SLC43A3: variants seen among roughly 807,000 people sequenced by gnomAD.
The protein encoded by SLC43A3 is equilibrative nucleobase transporter 1.
Under a neutral mutation model 53.3 loss-of-function variants are expected in SLC43A3, and 33 were observed. The observed-to-expected ratio is 0.62, with a 90% CI of 0.47 to 0.83. The LOEUF is 0.83. SLC43A3 is among the 40% of genes least tolerant of loss of function. The pLI, the probability that SLC43A3 is intolerant of heterozygous loss-of-function variation, is 0.00. For synonymous variants in SLC43A3, 236 were observed against 246.2 expected (o/e 0.96, Z 0.39); for missense variants, 530 against 610.0 (o/e 0.87, Z 1.38).
At position 57,408,104 on chromosome 11, in the gene SLC43A3, G is replaced by A. The variant is rs117359757; in HGVS notation, c.1372-208C>T. On this transcript the variant is annotated intron_variant, in intron 13 of 13. Transcript: ENST00000395124. ...TTCTGCACTATCGGTTGGGGTAGAGGAGGAATATCAAGCCCATTTCACAGA... is the reference window on the plus strand; with the variant it reads ...TTCTGCACTATCGGTTGGGGTAGAGAAGGAATATCAAGCCCATTTCACAGA... 6.1e-3 allele frequency: 3,116 copies of A among 508,680 alleles called. 15 individuals carry two copies. The highest frequency in any genetic ancestry group is 8.7e-3 in the Non-Finnish European group (2,452 of 283,006). The allele number at this position is 508,680 out of a possible 1,614,324, so 31.5% of individuals were successfully genotyped here.
chr11:57,416,433 G>T, intron 9 of SLC43A3, 140 bp downstream of exon 9: 1 of 642,340 alleles, frequency 1.6e-6, no homozygotes, highest in Admixed American at 2.7e-5. Flanking sequence ...TGAGAGGGTT[G>T]GGAAGATGCC....
At chr11:57,418,514 A>C (rs1024642639) in intron 7 of SLC43A3, among the ~76,000 whole-genome samples, 1 of 152,058 alleles carries the variant, frequency 6.6e-6, no homozygotes, top group Non-Finnish European at 1.5e-5. Context: ...GGAAACAGCA[A>C]GACCTCATCT....
At chr11:57,408,301 C>T (rs1398870855) in intron 13 of SLC43A3, 12 of 166,214 alleles carry the variant, frequency 7.2e-5, no homozygotes, top group Non-Finnish European at 1.3e-5. Flanking sequence ...GTGGTTCACG[C>T]CTGTAATCAC....
intron 7 of SLC43A3, among the ~76,000 whole-genome samples, chr11:57,420,321 T>A (rs573899537): frequency 6.6e-6 from 1 of 152,178 alleles, no homozygotes; most frequent in Non-Finnish European, 1.5e-5. Context: ...TCCCTTTATC[T>A]CATTAAAAAG....
In SLC43A3 at chr11:57,410,067, G is replaced by A. The variant is rs1237428074; in HGVS notation, c.1115C>T (p.Thr372Ile). The change falls in exon 12 of 14, where the codon ACA becomes ATA. Residue 372 changes from threonine (T) to isoleucine (I), a missense_variant. By Grantham distance (89) the Thr-to-Ile change is moderately conservative (BLOSUM62 -1). This residue lies in a region of SLC43A3 where 124 missense variants were observed against 166.4 expected (regional missense o/e 0.75). Coordinates refer to ENST00000395124, the MANE Select transcript of SLC43A3 (RefSeq NM_199329.3). ...LCSTVPSLALTSLLCLGFALC... is the reference protein window; with the variant it reads ...LCSTVPSLALISLLCLGFALC... ...GGCGAAGCCCAGGCACAGCAGGGATGTCAGGGCCAGCGAAGGCACCGTCGA... is the reference window on the plus strand; with the variant it reads ...GGCGAAGCCCAGGCACAGCAGGGATATCAGGGCCAGCGAAGGCACCGTCGA... 4 of 1,612,032 alleles carry A rather than the reference G, an allele frequency of 2.5e-6. No homozygotes were observed. In the Admixed American group the frequency reaches 5.0e-5, roughly 20 times the overall value.
chr11:57,421,302 G>T lies in SLC43A3; in HGVS notation c.433C>A (p.Leu145Met). 2.5e-6 allele frequency: 4 copies of T among 1,612,942 alleles called. No homozygotes were observed. Among genetic ancestry groups the T allele is most frequent in the Non-Finnish European group, 3.4e-6 (4 of 1,179,056 alleles). Residue 145 changes from leucine (L) to methionine (M), a missense_variant, in exon 6 of 14, where the codon CTG becomes ATG. Leu to Met is a conservative substitution (Grantham distance 15). Transcript: ENST00000395124. ...IGGILFLITN[L>M]QIGNLFGQHR... is the part of the protein sequence containing the mutation. ...GGATTAGGGAAGGCTCCCACCTGCA[G>T]GTTGGTGATGAGAAACAGGATTCCC... is the stretch of plus-strand genomic sequence containing the variant.
chr11:57,424,995 A>G (rs369656066), intron 4 of SLC43A3, among the ~76,000 whole-genome samples: 24 of 152,062 alleles, frequency 1.6e-4, no homozygotes, highest in African/African-American at 5.8e-4. Flanking sequence ...AAACCCCCCC[A>G]GTCTCCCCTC....
chr11:57,420,584 C>T (rs142833049), intron 7 of SLC43A3, among the ~76,000 whole-genome samples: 1 of 152,232 alleles, frequency 6.6e-6, no homozygotes, highest in Non-Finnish European at 1.5e-5. Flanking sequence ...GCTGTACCCA[C>T]TAGCCACTTG....
At chr11:57,419,353 T>TA (rs1942875965) in intron 7 of SLC43A3, among the ~76,000 whole-genome samples, 1 of 152,178 alleles carries the variant, frequency 6.6e-6, no homozygotes, top group Non-Finnish European at 1.5e-5. Flanking sequence ...ACCACCGACC[T>TA]AGCCCAACCT....
chr11:57,420,922 T>G, intron 7 of SLC43A3, 50 bp downstream of exon 7: 1 of 1,225,306 alleles, frequency 8.2e-7, no homozygotes, highest in South Asian at 1.2e-5. Flanking sequence ...ACAAGACAAG[T>G]GTCTGGCATA....
At chr11:57,413,324 C>G (rs1942568919) in intron 11 of SLC43A3, among the ~76,000 whole-genome samples, 1 of 152,046 alleles carries the variant, frequency 6.6e-6, no homozygotes, top group African/African-American at 2.4e-5. Context: ...TGGAACAAAC[C>G]AACTGTAAAA....
Position 57,407,474 on chromosome 11 carries a change from T to G in SLC43A3, c.*318A>C, listed in dbSNP as rs1386841064. ...TCGGAGCCAAACAGGCCTAAAGAAA[T>G]AGTTGACACACTTCCTCCCCCAGGT... On this transcript the variant is annotated 3_prime_UTR_variant, in exon 14 of 14. Transcript: ENST00000395124. 8 of 255,032 alleles carry G rather than the reference T, an allele frequency of 3.1e-5. No homozygotes were observed. Among genetic ancestry groups the G allele is most frequent in the Non-Finnish European group, 4.6e-5 (6 of 130,292 alleles). The allele number at this position is 255,032 out of a possible 1,614,324, so 15.8% of individuals were successfully genotyped here.
rs201927137 is a variant in SLC43A3 at position 57,407,760 on chromosome 11, A to G, written c.*32T>C. On this transcript the variant is annotated 3_prime_UTR_variant, in exon 14 of 14. Transcript: ENST00000395124. ...AAGGTGGTGGAAGATGAACAAAACC[A>G]TCCTCGGGGCTGAAAAGTGAGGGCT... The G allele has an allele frequency of 2.1e-3, 3,087 of 1,451,600 alleles. 5 individuals are homozygous for G. Among genetic ancestry groups the G allele is most frequent in the Non-Finnish European group, 2.5e-3 (2,576 of 1,034,144 alleles). 89.9% of individuals were successfully genotyped at this position (1,451,600 alleles called of 1,614,324 possible).
At chr11:57,419,252 G>A (rs951654880) in intron 7 of SLC43A3, among the ~76,000 whole-genome samples, 2 of 152,178 alleles carry the variant, frequency 1.3e-5, no homozygotes, top group African/African-American at 4.8e-5. Flanking sequence ...CACCAATGGG[G>A]AGCTTGCCAG....
chr11:57,425,595 G>A lies in SLC43A3; in HGVS notation c.260C>T (p.Pro87Leu), dbSNP rs1331104469. The A allele has an allele frequency of 6.2e-7, 1 of 1,614,142 alleles. No individual in the cohort carries two copies. Among genetic ancestry groups the A allele is most frequent in the Non-Finnish European group, 8.5e-7 (1 of 1,180,038 alleles). ...GAACCGGTCAAAGATGTAGCCAGTG[G>A]GGAATGTCATGAAGTTGTTCATGAA... is the stretch of plus-strand genomic sequence containing the variant. ...GSFMNNFMTFPTGYIFDRFKT... is the reference protein window; with the variant it reads ...GSFMNNFMTFLTGYIFDRFKT... The change falls in exon 4 of 14, where the codon CCC becomes CTC. Residue 87 changes from proline (P) to leucine (L), a missense_variant. Transcript: ENST00000395124.
intron 5 of SLC43A3, 100 bp downstream of exon 5, chr11:57,423,882 T>C (rs544234603): frequency 3.2e-6 from 3 of 923,666 alleles, no homozygotes; most frequent in East Asian, 2.4e-5. Flanking sequence ...TGAATAACCA[T>C]GTGGTCTGTA....
rs1943187816 is a variant in SLC43A3 at position 57,425,973 on chromosome 11, T to C, written c.184+16A>G. ...GCCAGACTTAACTTCCTTAGAAAAGTCATCCCTGCCCTTACCAGCCTGCCC... is the reference window on the plus strand; with the variant it reads ...GCCAGACTTAACTTCCTTAGAAAAGCCATCCCTGCCCTTACCAGCCTGCCC... On this transcript the variant is annotated intron_variant, in intron 3 of 13. Transcript: ENST00000395124. 1.2e-6 allele frequency: 2 copies of C among 1,606,938 alleles called. No individual in the cohort carries two copies. The highest frequency in any genetic ancestry group is 2.2e-5 in the East Asian group (1 of 44,718).
intron 5 of SLC43A3, among the ~76,000 whole-genome samples, chr11:57,422,289 T>C (rs995253383): frequency 6.6e-6 from 1 of 152,206 alleles, no homozygotes; most frequent in Non-Finnish European, 1.5e-5. Context: ...AGGAAAACAA[T>C]GTTATTCAAT....
chr11:57,414,120 A>G (rs1942606236), intron 11 of SLC43A3, among the ~76,000 whole-genome samples: 1 of 152,224 alleles, frequency 6.6e-6, no homozygotes, highest in Non-Finnish European at 1.5e-5. Flanking sequence ...CTTGTCTGTC[A>G]TTGAATCCCT....
Sources: gnomAD v4.1 joint callset for allele counts (sites outside exome capture counted in the v4.1 genomes callset) on GRCh38, gnomAD v4.1.1 for gene constraint, gnomAD v4.1.1 regional missense constraint, MANE v1.5 for transcripts, NCBI Gene and HGNC (gene_info 2026-07-23, HGNC 2026-07-21) for gene names.